RBFOX1: variants seen among roughly 807,000 people sequenced by gnomAD.
RBFOX1 encodes the protein RNA binding protein fox-1 homolog 1.
Under a neutral mutation model 57.7 loss-of-function variants are expected in RBFOX1, and 8 were observed. That is an observed-to-expected ratio of 0.14 (90% CI 0.08 to 0.25). RBFOX1 has a LOEUF of 0.25. RBFOX1 is among the 10% of genes least tolerant of loss of function. The pLI, the probability that RBFOX1 is intolerant of heterozygous loss-of-function variation, is 1.00. For missense variants in RBFOX1, 611 were observed against 548.5 expected (o/e 1.11, Z -1.14); for synonymous variants, 326 against 222.4 (o/e 1.47, Z -4.15).
At chr16:6,306,090 A>T (rs1162550510) in intron 1 of RBFOX1, among the ~76,000 whole-genome samples, 1 of 152,162 alleles carries the variant, frequency 6.6e-6, no homozygotes, top group East Asian at 1.9e-4. Flanking sequence ...AGTGCAGAGT[A>T]TTTGGTGGGG....
chr16:5,560,844 A>G (rs1221045105), intron 2 of RBFOX1, among the ~76,000 whole-genome samples: 1 of 152,104 alleles, frequency 6.6e-6, no homozygotes, highest in Non-Finnish European at 1.5e-5. Flanking sequence ...CTGTCCACCC[A>G]TCCTCCTTGA....
chr16:6,706,343 A>C (rs1327769851), intron 3 of RBFOX1, among the ~76,000 whole-genome samples: 5 of 152,206 alleles, frequency 3.3e-5, no homozygotes, highest in African/African-American at 4.8e-5. Flanking sequence ...CTCAATTATT[A>C]ATGTGCAAAA....
intron 3 of RBFOX1, among the ~76,000 whole-genome samples, chr16:5,665,100 C>T (rs927321926): frequency 6.3e-5 from 9 of 143,808 alleles, no homozygotes; most frequent in Non-Finnish European, 1.2e-4. Context: ...TGTGCACCAC[C>T]ATGGCTGGCT....
At chr16:7,194,431 A>G (rs1443310762) in intron 4 of RBFOX1, among the ~76,000 whole-genome samples, 1 of 152,246 alleles carries the variant, frequency 6.6e-6, no homozygotes, top group Non-Finnish European at 1.5e-5. Flanking sequence ...TGATTATGGT[A>G]CAGGATGACC....
At chr16:7,220,176 A>T (rs773733225) in intron 4 of RBFOX1, among the ~76,000 whole-genome samples, 3 of 152,192 alleles carry the variant, frequency 2.0e-5, no homozygotes, top group Non-Finnish European at 4.4e-5. Flanking sequence ...TCATGACAAA[A>T]GTGCAGGAGG....
chr16:5,863,233 G>T (rs2057267528), intron 3 of RBFOX1, among the ~76,000 whole-genome samples: 1 of 152,324 alleles, frequency 6.6e-6, no homozygotes, highest in Non-Finnish European at 1.5e-5. Flanking sequence ...GAAACCGAAG[G>T]AGAGGAAGGG....
chr16:7,128,266 T>C (rs534719427), intron 4 of RBFOX1, among the ~76,000 whole-genome samples: 1 of 152,344 alleles, frequency 6.6e-6, no homozygotes, highest in South Asian at 2.1e-4. Flanking sequence ...GTTATTTCCT[T>C]GAATCCTCAC....
chr16:7,690,929 C>G (rs2077178331), intron 14 of RBFOX1, among the ~76,000 whole-genome samples: 1 of 152,066 alleles, frequency 6.6e-6, no homozygotes, highest in South Asian at 2.1e-4. Flanking sequence ...CTGCAGGCCA[C>G]CAAAGCCAAT....
chr16:5,688,964 GC>G (rs1411393740), intron 3 of RBFOX1, among the ~76,000 whole-genome samples: 3 of 152,176 alleles, frequency 2.0e-5, no homozygotes, highest in Non-Finnish European at 4.4e-5. Context: ...AGCCCTCACA[GC>G]TCTACCTACC....
At chr16:6,964,618 A>C (rs2083708613) in intron 3 of RBFOX1, among the ~76,000 whole-genome samples, 1 of 152,274 alleles carries the variant, frequency 6.6e-6, no homozygotes, top group Non-Finnish European at 1.5e-5. Context: ...CTCCTCTAAA[A>C]AATAACGTTA....
intron 3 of RBFOX1, among the ~76,000 whole-genome samples, chr16:5,810,424 A>G (rs778956280): frequency 3.3e-5 from 5 of 152,232 alleles, no homozygotes; most frequent in African/African-American, 7.2e-5. Context: ...TTGGACTTTT[A>G]GTCCAGAATT....
At chr16:6,655,353 G>A (rs1302013770) in intron 3 of RBFOX1, among the ~76,000 whole-genome samples, 3 of 74,458 alleles carry the variant, frequency 4.0e-5, no homozygotes, top group Non-Finnish European at 7.6e-5. Flanking sequence ...CAGCCTGAGT[G>A]ACAAAATAAG....
chr16:7,305,077 A>C (rs1424440192), intron 4 of RBFOX1, among the ~76,000 whole-genome samples: 1 of 149,046 alleles, frequency 6.7e-6, no homozygotes, highest in African/African-American at 2.5e-5. Flanking sequence ...GAAGAAGGTG[A>C]GCTGTTTAGG....
intron 2 of RBFOX1, among the ~76,000 whole-genome samples, chr16:5,567,152 C>G (rs950621853): frequency 2.0e-5 from 3 of 152,174 alleles, no homozygotes; most frequent in African/African-American, 7.2e-5. Context: ...CCGAGGGAAA[C>G]AAATAAAGCC....
chr16:6,189,921 A>C (rs1327003969), intron 1 of RBFOX1, among the ~76,000 whole-genome samples: 1 of 152,170 alleles, frequency 6.6e-6, no homozygotes, highest in Non-Finnish European at 1.5e-5. Context: ...GGTATTGCTA[A>C]AGAAAATCTT....
chr16:5,474,825 C>G lies in RBFOX1; in HGVS notation c.258+7571C>G, dbSNP rs753244969. Among the ~76,000 whole-genome samples, 54 of 152,284 alleles carry G rather than the reference C, an allele frequency of 3.5e-4. 1 individual carries two copies. Among genetic ancestry groups the G allele is most frequent in the Non-Finnish European group, 6.5e-4 (44 of 68,026 alleles). ...TTCTGTTTGTTTTTCTTGGTACTGG[C>G]CAAATATTGTCCCGTACATATTCTG... On this transcript the variant is annotated intron_variant, in intron 2 of 2. Coordinates refer to the RBFOX1 transcript ENST00000585867.
chr16:6,256,203 G>GTATATGTATA (rs1555582380), intron 1 of RBFOX1, among the ~76,000 whole-genome samples: 3,373 of 40,192 alleles, frequency 0.084, 339 homozygotes, highest in African/African-American at 0.15. Flanking sequence ...ATATGTATAT[G>GTATATGTATA]TATATGTGTA....
At chr16:5,827,137 C>T (rs2056087249) in intron 3 of RBFOX1, among the ~76,000 whole-genome samples, 1 of 152,166 alleles carries the variant, frequency 6.6e-6, no homozygotes, top group Non-Finnish European at 1.5e-5. Flanking sequence ...CACTGTGGCT[C>T]ATGCCTGTAA....
intron 2 of RBFOX1, among the ~76,000 whole-genome samples, chr16:5,561,558 G>A (rs2045891538): frequency 6.6e-6 from 1 of 152,050 alleles, no homozygotes; most frequent in South Asian, 2.1e-4. Context: ...GCAAAAGTCA[G>A]GCCCTATTAG....
Sources: allele counts gnomAD v4.1 joint callset (sites outside exome capture counted in the v4.1 genomes callset), GRCh38; gene constraint gnomAD v4.1.1; transcripts MANE v1.5; gene names NCBI Gene and HGNC (gene_info 2026-07-23, HGNC 2026-07-21).